ZNF500: variants seen among roughly 807,000 people sequenced by gnomAD.
The protein encoded by ZNF500 is zinc finger protein 500.
ZNF500 carries 31 observed loss-of-function variants against 30.1 expected under a neutral mutation model. The ratio of observed to expected loss-of-function variants is 1.03; its 90% CI spans 0.77 to 1.39. ZNF500 has a LOEUF of 1.39. Ranked by LOEUF, ZNF500 falls within the 40% of genes most tolerant of loss-of-function variation. ZNF500 has a pLI of 0.00. For synonymous variants in ZNF500, 392 were observed against 282.0 expected (o/e 1.39, Z -3.91); for missense variants, 817 against 657.8 (o/e 1.24, Z -2.65).
Position 4,752,771 on chromosome 16 carries a change from C to G in ZNF500, c.1048G>C (p.Glu350Gln). The G allele has an allele frequency of 6.2e-7, 1 of 1,614,252 alleles. No individual in the cohort carries two copies. The highest frequency in any genetic ancestry group is 8.5e-7 in the Non-Finnish European group (1 of 1,180,034). Residue 350 changes from glutamate (E) to glutamine (Q), a missense_variant, in exon 6 of 6, where the codon GAG becomes CAG. Physicochemically the swap from Glu to Gln is conservative, Grantham distance 29. Transcript: ENST00000219478. Reference protein sequence around the residue: ...LTKHQRTHTGERPYKCLVCGK... With the variant: ...LTKHQRTHTGQRPYKCLVCGK... ...CAGACTAGGCACTTGTAAGGCCGCTCGCCCGTGTGTGTGCGCTGGTGCTTG... is the reference window on the plus strand; with the variant it reads ...CAGACTAGGCACTTGTAAGGCCGCTGGCCCGTGTGTGTGCGCTGGTGCTTG...
At chr16:4,759,764 C>T (rs1479200081) in intron 5 of ZNF500, among the ~76,000 whole-genome samples, 5 of 152,038 alleles carry the variant, frequency 3.3e-5, no homozygotes, top group East Asian at 1.9e-4. Context: ...TGGCCACGCA[C>T]GGTGGCTCAC....
rs763843790 is a variant in ZNF500, at chr16:4,762,257, A to C, written c.663+14T>G. ...AGACCCCAGGATGCTGCAGACCAGGAGCATCCCACTCACCTGGGACCAGGC... is the reference window on the plus strand; with the variant it reads ...AGACCCCAGGATGCTGCAGACCAGGCGCATCCCACTCACCTGGGACCAGGC... On this transcript the variant is annotated intron_variant, in intron 4 of 5. Coordinates refer to ENST00000219478, the MANE Select transcript of ZNF500 (RefSeq NM_021646.4). 39 of 1,610,284 alleles carry C rather than the reference A, an allele frequency of 2.4e-5. No homozygotes were observed. Among genetic ancestry groups the C allele is most frequent in the Non-Finnish European group, 3.3e-5 (39 of 1,178,362 alleles).
chr16:4,757,267 G>A (rs755569538), intron 5 of ZNF500, among the ~76,000 whole-genome samples: 3 of 152,198 alleles, frequency 2.0e-5, no homozygotes, highest in Non-Finnish European at 4.4e-5. Flanking sequence ...GGTTGCCCGT[G>A]AATTTCATCT....
downstream of ZNF500, among the ~76,000 whole-genome samples, chr16:4,745,952 C>CA (rs58259917): frequency 0.48 from 54,135 of 113,226 alleles, 13,979 homozygotes; most frequent in East Asian, 0.67. Context: ...GACTCTGTCT[C>CA]AAAAAAAAAA....
rs3747602 is a variant in ZNF500 at position 4,752,385 on chromosome 16, G to C, written c.1434C>G (p.Ala478=). 6.0e-6 allele frequency: 9 copies of C among 1,497,454 alleles called. No individual in the cohort carries two copies. The Admixed American group carries it at 1.8e-4, about 30-fold the overall frequency. 92.8% of individuals were successfully genotyped at this position (1,497,454 alleles called of 1,614,324 possible). A position where few individuals can be genotyped will look rare whatever the true frequency, so the allele number is the denominator to read the frequency against. ...GTTTCAGGCCTGGTGATCAGGCTTT[G>C]GCACCGGGGCCTCCAGGAGCCACCG... is the stretch of plus-strand genomic sequence containing the variant. ...LQPVAPGGPG[A]KA The change falls in exon 6 of 6, where the codon GCC becomes GCG. Residue 478 remains alanine, a synonymous_variant. Transcript: ENST00000219478.
At position 4,759,546 on chromosome 16, in the gene ZNF500, G is replaced by A. The variant is rs1231171341; in HGVS notation, c.760+946C>T. Among the ~76,000 whole-genome samples the A allele has an allele frequency of 3.9e-5, 6 of 152,020 alleles. 1 individual carries two copies. The highest frequency in any genetic ancestry group is 1.2e-4 in the African/African-American group (5 of 41,424). ...AAAGAAGGAAGTCTGCCTCAAGACC[G>A]TGGCACAGAAATCCTAAGCTTCCAG... On this transcript the variant is annotated intron_variant, in intron 5 of 5. Coordinates refer to ENST00000219478, the MANE Select transcript of ZNF500 (RefSeq NM_021646.4).
chr16:4,747,514 G>A (rs2142215793), downstream of ZNF500: 1 of 1,613,266 alleles, frequency 6.2e-7, no homozygotes, highest in South Asian at 1.1e-5. Flanking sequence ...TCTGTGCCAA[G>A]GGGCAGAGCG....
intron 1 of ZNF500, 49 bp from the exon 2 acceptor site, chr16:4,766,125 A>G: frequency 1.0e-6 from 1 of 1,000,880 alleles, no homozygotes; most frequent in Non-Finnish European, 1.4e-6. Context: ...GGGGCTGGAT[A>G]AGCCCTTTGG....
chr16:4,761,829 C>T (rs1306259586), intron 4 of ZNF500, among the ~76,000 whole-genome samples: 3 of 151,970 alleles, frequency 2.0e-5, no homozygotes, highest in Non-Finnish European at 2.9e-5. Context: ...TGCACTCCAG[C>T]GTGAGCACAG....
At chr16:4,747,155 G>C (rs773794050), downstream of ZNF500, 14 of 1,204,176 alleles carry the variant, frequency 1.2e-5, 1 homozygote, top group Admixed American at 2.6e-5. Context: ...TGAGGGGGAC[G>C]GCACAGCTTT....
At position 4,752,374 on chromosome 16, in the gene ZNF500, G is replaced by C. The variant is rs2082089050; in HGVS notation, c.*2C>G. 2 of 1,486,438 alleles carry C rather than the reference G, an allele frequency of 1.3e-6. No individual in the cohort carries two copies. The highest frequency in any genetic ancestry group is 8.9e-7 in the Non-Finnish European group (1 of 1,121,348). 92.1% of individuals were successfully genotyped at this position (1,486,438 alleles called of 1,614,324 possible). Reference sequence around the variant, plus strand: ...CTGGAAAGGGAGTTTCAGGCCTGGTGATCAGGCTTTGGCACCGGGGCCTCC... The same window carrying C: ...CTGGAAAGGGAGTTTCAGGCCTGGTCATCAGGCTTTGGCACCGGGGCCTCC... On this transcript the variant is annotated 3_prime_UTR_variant, in exon 6 of 6. Coordinates refer to ENST00000219478, the MANE Select transcript of ZNF500 (RefSeq NM_021646.4).
At chr16:4,746,136 TAC>T (rs2082014593), downstream of ZNF500, 3 of 452,718 alleles carry the variant, frequency 6.6e-6, no homozygotes, top group South Asian at 1.2e-4. Flanking sequence ...GCCAAGTGGC[TAC>T]ACTTACCACA....
intron 4 of ZNF500, among the ~76,000 whole-genome samples, chr16:4,761,856 AAAACAAACAAAC>A (rs113304135): frequency 4.7e-5 from 7 of 150,310 alleles, no homozygotes; most frequent in Non-Finnish European, 1.0e-4. Flanking sequence ...ACTTTGGCTC[AAAACAAACAAAC>A]AAACAAACAA....
chr16:4,755,052 T>A (rs1236814470), intron 5 of ZNF500, among the ~76,000 whole-genome samples: 2 of 152,224 alleles, frequency 1.3e-5, no homozygotes, highest in Non-Finnish European at 2.9e-5. Flanking sequence ...ACTGGAAGCT[T>A]CCTGAGGCCT....
chr16:4,744,744 G>A (rs112290658), downstream of ZNF500: 96 of 1,207,506 alleles, frequency 8.0e-5, 1 homozygote, highest in Non-Finnish European at 9.6e-5. Flanking sequence ...AGGGCTGGGC[G>A]GGGGCAGTGG....
chr16:4,744,678 G>GC (rs892627691), downstream of ZNF500, among the ~76,000 whole-genome samples: 8 of 152,116 alleles, frequency 5.3e-5, no homozygotes, highest in African/African-American at 1.9e-4. Context: ...TAAAGATTCT[G>GC]CCCCCCTCAG....
At chr16:4,763,723 G>T (rs1208828221) in intron 2 of ZNF500, 1 of 934,150 alleles carries the variant, frequency 1.1e-6, no homozygotes. Flanking sequence ...AGCCATGCCG[G>T]GAACCCCAAA....
downstream of ZNF500, chr16:4,747,752 T>G: frequency 1.6e-6 from 2 of 1,274,294 alleles, no homozygotes; most frequent in Non-Finnish European, 2.1e-6. Flanking sequence ...GCAGGGACCC[T>G]CAGACTTTGG....
intron 5 of ZNF500, among the ~76,000 whole-genome samples, chr16:4,756,168 C>G (rs578104291): frequency 6.6e-6 from 1 of 152,154 alleles, no homozygotes; most frequent in Admixed American, 6.5e-5. Flanking sequence ...AATGCCGATG[C>G]GGGCTGATCA....
Sources: allele counts gnomAD v4.1 joint callset (sites outside exome capture counted in the v4.1 genomes callset), GRCh38; gene constraint gnomAD v4.1.1; transcripts MANE v1.5; gene names NCBI Gene and HGNC (gene_info 2026-07-23, HGNC 2026-07-21).